MAP3K5: variants seen among roughly 807,000 people sequenced by gnomAD.
The protein encoded by MAP3K5 is ASK-1.
MAP3K5 carries 56 observed loss-of-function variants against 158.7 expected under a neutral mutation model. The observed-to-expected ratio is 0.35, with a 90% confidence interval of 0.28 to 0.44. MAP3K5 has a LOEUF of 0.44. Ranked by LOEUF, MAP3K5 falls within the 20% of genes least tolerant of loss-of-function variation. The pLI is 1.00. For missense variants in MAP3K5, 1,294 were observed against 1,674.8 expected (o/e 0.77, Z 3.97); for synonymous variants, 579 against 601.7 (o/e 0.96, Z 0.55).
At chr6:136,647,442 C>G (rs118132960) in intron 11 of MAP3K5, among the ~76,000 whole-genome samples, 13 of 152,220 alleles carry the variant, frequency 8.5e-5, no homozygotes, top group African/African-American at 3.1e-4. Flanking sequence ...CACCTATGCA[C>G]TTTGATGCTG....
chr6:136,761,265 A>G (rs576850650), intron 1 of MAP3K5, among the ~76,000 whole-genome samples: 4 of 151,050 alleles, frequency 2.6e-5, no homozygotes, highest in Non-Finnish European at 4.4e-5. Flanking sequence ...GGGCACAAGA[A>G]TAAAGAAAAT....
intron 2 of MAP3K5, among the ~76,000 whole-genome samples, chr6:136,713,044 T>C (rs1229709112): frequency 6.6e-6 from 1 of 152,168 alleles, no homozygotes; most frequent in African/African-American, 2.4e-5. Flanking sequence ...TCAGTAATAG[T>C]TTCAAAGATA....
intron 25 of MAP3K5, among the ~76,000 whole-genome samples, chr6:136,574,660 C>G (rs1428678135): frequency 6.7e-6 from 1 of 148,274 alleles, no homozygotes; most frequent in Non-Finnish European, 1.5e-5. Context: ...TCTGTGTGCT[C>G]CTTTTGGAAA....
rs781599037 is a variant in MAP3K5 at position 136,609,697 on chromosome 6, G to A, written c.2521+1585C>T. On this transcript the variant is annotated intron_variant, in intron 18 of 29. Coordinates refer to ENST00000359015, the MANE Select transcript of MAP3K5 (RefSeq NM_005923.4). This position sits in a 1 kb window ranked among gnomAD's most constrained non-coding sequence, Gnocchi z 4.4. ...TGGTCCCAGCTACTAGGGAGGCTGAGGTAGGAGAATCACTTGAGCCCGGGG... is the reference window on the plus strand; with the variant it reads ...TGGTCCCAGCTACTAGGGAGGCTGAAGTAGGAGAATCACTTGAGCCCGGGG... Among the ~76,000 whole-genome samples, 7 of 151,874 alleles carry A rather than the reference G, an allele frequency of 4.6e-5. No individual in the cohort carries two copies. Among genetic ancestry groups the A allele is most frequent in the Admixed American group, 1.3e-4 (2 of 15,228 alleles).
rs775731998 is a variant in MAP3K5, at chr6:136,583,608, C to T, written c.3358G>A (p.Asp1120Asn). Reference sequence around the variant, plus strand: ...TGGACTTGGCTAATGCCATGGCTGTCGAAGTCCAGCTCCAGTTTCAGCTTT... The same window carrying T: ...TGGACTTGGCTAATGCCATGGCTGTTGAAGTCCAGCTCCAGTTTCAGCTTT... ...LSKLKLELDFDSHGISQVQVV... is the reference protein window; with the variant it reads ...LSKLKLELDFNSHGISQVQVV... The change falls in exon 24 of 30, where the codon GAC becomes AAC. Residue 1120 changes from aspartate to asparagine, a missense_variant. Around this residue, in one of 5 missense-constraint regions of MAP3K5, gnomAD observed 362 missense variants for 463.2 expected, o/e 0.78. Coordinates refer to ENST00000359015, the MANE Select transcript of MAP3K5 (RefSeq NM_005923.4). 6 of 1,614,194 alleles carry T rather than the reference C, an allele frequency of 3.7e-6. No individual in the cohort carries two copies. Among genetic ancestry groups the T allele is most frequent in the Non-Finnish European group, 4.2e-6 (5 of 1,180,038 alleles).
intron 2 of MAP3K5, 27 bp downstream of exon 2, chr6:136,720,423 G>A (rs755229250): frequency 9.0e-5 from 138 of 1,541,838 alleles, no homozygotes; most frequent in Middle Eastern, 6.9e-4. Context: ...ATGTTAAAAT[G>A]AAACATTCAG....
chr6:136,580,803 C>CTTA (rs1004037738), intron 24 of MAP3K5, among the ~76,000 whole-genome samples: 6 of 151,986 alleles, frequency 3.9e-5, no homozygotes, highest in South Asian at 2.1e-4. Context: ...ATTACTTCTT[C>CTTA]TTATTATTAT....
intron 1 of MAP3K5, among the ~76,000 whole-genome samples, chr6:136,771,237 A>G (rs1784187933): frequency 6.6e-6 from 1 of 152,156 alleles, no homozygotes; most frequent in Non-Finnish European, 1.5e-5. Flanking sequence ...ATTTCCCCCT[A>G]CTGCAAACAG....
intron 1 of MAP3K5, among the ~76,000 whole-genome samples, chr6:136,746,120 A>G (rs1023969694): frequency 6.6e-6 from 1 of 152,184 alleles, no homozygotes; most frequent in African/African-American, 2.4e-5. Flanking sequence ...GATACTTCAA[A>G]TGATTTAATA....
At chr6:136,727,895 C>T (rs1460648920) in intron 1 of MAP3K5, among the ~76,000 whole-genome samples, 1 of 151,524 alleles carries the variant, frequency 6.6e-6, no homozygotes, top group Non-Finnish European at 1.5e-5. Context: ...CCAGGAGGCG[C>T]AGCTTGCAGT....
At chr6:136,607,074 G>A (rs1425856966) in intron 18 of MAP3K5, among the ~76,000 whole-genome samples, 2 of 152,062 alleles carry the variant, frequency 1.3e-5, no homozygotes, top group African/African-American at 2.4e-5. Context: ...AAAGACGCTC[G>A]CCCACCTTTA....
Position 136,629,766 on chromosome 6 carries a change from CATTTATTTATTT to C in MAP3K5, c.2017-6797_2017-6786del, listed in dbSNP as rs56675510. On this transcript the variant is annotated intron_variant, in intron 14 of 29. Coordinates refer to ENST00000359015, the MANE Select transcript of MAP3K5 (RefSeq NM_005923.4). ...ATGGCGCCCGGCCATATCTCACCTT[CATTTATTTATTT>C]ATTTATTTATTTATTTATTTATTTA... Among the ~76,000 whole-genome samples, 1,456 of 148,226 alleles carry C rather than the reference CATTTATTTATTT, an allele frequency of 9.8e-3. 25 individuals are homozygous for C. Among genetic ancestry groups the C allele is most frequent in the African/African-American group, 0.029 (1,138 of 39,444 alleles).
At chr6:136,579,242 C>A (rs1214486118) in intron 25 of MAP3K5, among the ~76,000 whole-genome samples, 1 of 152,116 alleles carries the variant, frequency 6.6e-6, no homozygotes, top group Non-Finnish European at 1.5e-5. Flanking sequence ...CACCCACCAC[C>A]CCAACACACA....
chr6:136,655,764 A>G (rs184648087), intron 10 of MAP3K5, among the ~76,000 whole-genome samples: 1 of 151,888 alleles, frequency 6.6e-6, no homozygotes, highest in East Asian at 1.9e-4. Context: ...TATATGTCTG[A>G]AGTCCACTAG....
intron 2 of MAP3K5, among the ~76,000 whole-genome samples, chr6:136,709,476 G>A (rs1008317083): frequency 1.3e-5 from 2 of 152,010 alleles, no homozygotes; most frequent in East Asian, 1.9e-4. Flanking sequence ...AAGGAGAGAT[G>A]CCCTCATGCT....
intron 1 of MAP3K5, among the ~76,000 whole-genome samples, chr6:136,756,548 C>A (rs1196894270): frequency 6.6e-6 from 1 of 152,132 alleles, no homozygotes; most frequent in Non-Finnish European, 1.5e-5. Context: ...TCCCTGCAAC[C>A]TCCGCCTCCC....
At chr6:136,599,253 A>T (rs1214670560) in intron 21 of MAP3K5, among the ~76,000 whole-genome samples, 1 of 151,684 alleles carries the variant, frequency 6.6e-6, no homozygotes, top group African/African-American at 2.4e-5. Context: ...GAGGCACATC[A>T]TCCATGTAAT....
intron 8 of MAP3K5, among the ~76,000 whole-genome samples, chr6:136,662,154 G>T (rs1396475591): frequency 6.6e-6 from 1 of 152,154 alleles, no homozygotes; most frequent in East Asian, 1.9e-4. Flanking sequence ...AGGGACAGAA[G>T]ACATGCCCAT....
intron 1 of MAP3K5, among the ~76,000 whole-genome samples, chr6:136,776,720 T>C (rs185208823): frequency 2.0e-5 from 3 of 152,350 alleles, no homozygotes; most frequent in Admixed American, 2.0e-4. Context: ...TCTGTTGCCC[T>C]TTATTTGAAT....
Sources: gnomAD v4.1 joint callset for allele counts (sites outside exome capture counted in the v4.1 genomes callset) on GRCh38, gnomAD v4.1.1 for gene constraint, gnomAD v4.1.1 regional missense constraint, Gnocchi (gnomAD v3.1) non-coding constraint, MANE v1.5 for transcripts, NCBI Gene and HGNC (gene_info 2026-07-23, HGNC 2026-07-21) for gene names.